Variants in DNAH11 observed in about 807,000 individuals in gnomAD.
The protein encoded by DNAH11 is axonemal beta dynein heavy chain 11.
In DNAH11, 442 loss-of-function variants were observed where a neutral mutation model predicts 526.0. The ratio of observed to expected loss-of-function variants is 0.84; its 90% CI spans 0.78 to 0.91. The LOEUF (loss-of-function observed/expected upper bound fraction) is 0.91, where lower values mean the gene tolerates loss of function less well. DNAH11 is among the 40% of genes least tolerant of loss of function. The probability of loss-of-function intolerance (pLI) is 0.00; values close to 1 mark genes in which losing one functional copy is unlikely to be tolerated. For synonymous variants in DNAH11, 2,461 were observed against 1,935.9 expected (o/e 1.27, Z -7.12); for missense variants, 6,989 against 5,448.7 (o/e 1.28, Z -8.90).
intron 8 of DNAH11, among the ~76,000 whole-genome samples, chr7:21,577,909 T>C (rs538629953): frequency 6.6e-6 from 1 of 152,280 alleles, no homozygotes; most frequent in African/African-American, 2.4e-5. Context: ...TTTAAAGTAG[T>C]GTATTAGTCC....
chr7:21,748,224 C>G (rs1786237847), intron 51 of DNAH11, among the ~76,000 whole-genome samples: 1 of 152,172 alleles, frequency 6.6e-6, no homozygotes, highest in Non-Finnish European at 1.5e-5. Flanking sequence ...TTGCTCATGC[C>G]TGTAATCCCA....
chr7:21,629,689 T>C (rs1786511347), intron 25 of DNAH11, among the ~76,000 whole-genome samples: 2 of 152,150 alleles, frequency 1.3e-5, no homozygotes, highest in Admixed American at 1.3e-4. Context: ...TCTTTACCTC[T>C]TTTTACAGTC....
rs774129338 is a variant in DNAH11 at position 21,738,855 on chromosome 7, T to C, written c.7800T>C (p.Asp2600=). ...ACACCCTGATCCGGCAGCATATTGATTATGGACATTGGTAAGCAAGTCTCT... is the reference window on the plus strand; with the variant it reads ...ACACCCTGATCCGGCAGCATATTGACTATGGACATTGGTAAGCAAGTCTCT... ...QPHTLIRQHI[D]YGHWYDRQKV... Residue 2600 remains aspartate, a synonymous_variant, in exon 47 of 82, where the codon GAT becomes GAC. Transcript: ENST00000409508. The C allele has an allele frequency of 4.7e-5, 75 of 1,597,350 alleles. No individual in the cohort carries two copies. In the East Asian group the frequency reaches 1.3e-3, roughly 29 times the overall value.
chr7:21,697,583 G>A (rs1190771934), intron 35 of DNAH11, among the ~76,000 whole-genome samples: 1 of 152,056 alleles, frequency 6.6e-6, no homozygotes, highest in African/African-American at 2.4e-5. Context: ...TCTGTCTATT[G>A]TGTCTGTATG....
In DNAH11 at chr7:21,635,879, G is replaced by T; in HGVS notation, c.4509G>T (p.Leu1503Phe). 1 of 1,608,938 alleles carries T rather than the reference G, an allele frequency of 6.2e-7. No homozygotes were observed. The highest frequency in any genetic ancestry group is 8.5e-7 in the Non-Finnish European group (1 of 1,177,382). Residue 1503 changes from leucine (L) to phenylalanine (F), a missense_variant, in exon 26 of 82, where the codon TTG (leucine) becomes TTT (phenylalanine). Physicochemically the swap from Leu to Phe is conservative, Grantham distance 22. Coordinates refer to ENST00000409508, the MANE Select transcript of DNAH11 (RefSeq NM_001277115.2). The stretch of plus-strand genomic sequence containing the variant: ...CTTTGCCTTTATTTTAGGTTCAGTT[G>T]CAGACTCTTCTTCAAAGCAAGTATG... ...FETLEHNQVQ[L>F]QTLLQSKYVE...
At chr7:21,715,825 T>C (rs1784639274) in intron 42 of DNAH11, among the ~76,000 whole-genome samples, 1 of 151,212 alleles carries the variant, frequency 6.6e-6, no homozygotes, top group Non-Finnish European at 1.5e-5. Flanking sequence ...TGTGGTGTGA[T>C]TGATCCCTAG....
chr7:21,731,533 G>C (rs1051997390), intron 45 of DNAH11, among the ~76,000 whole-genome samples: 4 of 152,122 alleles, frequency 2.6e-5, no homozygotes, highest in African/African-American at 9.7e-5. Flanking sequence ...ATTGAAAAAA[G>C]CAACGTACAG....
chr7:21,749,913 T>C (rs571969683), intron 53 of DNAH11, 112 bp downstream of exon 53: 234 of 1,514,524 alleles, frequency 1.5e-4, no homozygotes, highest in African/African-American at 1.3e-3. Context: ...CTGGGCAGTC[T>C]TTGGGGAGAA....
intron 29 of DNAH11, among the ~76,000 whole-genome samples, chr7:21,657,694 C>T (rs188039650): frequency 2.3e-4 from 35 of 152,274 alleles, no homozygotes; most frequent in Non-Finnish European, 8.8e-5. Context: ...TACCAGACCC[C>T]ATTGGTTAGA....
intron 18 of DNAH11, among the ~76,000 whole-genome samples, chr7:21,604,657 C>G (rs183746325): frequency 2.0e-5 from 3 of 152,304 alleles, no homozygotes; most frequent in Admixed American, 1.3e-4. Flanking sequence ...TGGAGATCAT[C>G]TGATCTTTTG....
chr7:21,821,419 G>A (rs1375385318), intron 65 of DNAH11, among the ~76,000 whole-genome samples: 1 of 152,146 alleles, frequency 6.6e-6, no homozygotes, highest in Non-Finnish European at 1.5e-5. Context: ...TGTACAGCCA[G>A]AAAAACAGAG....
intron 18 of DNAH11, among the ~76,000 whole-genome samples, chr7:21,604,450 C>A (rs1449509076): frequency 6.6e-6 from 1 of 152,152 alleles, no homozygotes; most frequent in Non-Finnish European, 1.5e-5. Context: ...TGCTCAGAAA[C>A]CTTCATTAAC....
At chr7:21,737,590 A>G (rs1279540378) in intron 46 of DNAH11, among the ~76,000 whole-genome samples, 1 of 152,194 alleles carries the variant, frequency 6.6e-6, no homozygotes, top group African/African-American at 2.4e-5. Flanking sequence ...GCTATATGTA[A>G]TGTGACCCTG....
At chr7:21,565,934 C>G (rs771250398) in intron 6 of DNAH11, among the ~76,000 whole-genome samples, 6 of 152,118 alleles carry the variant, frequency 3.9e-5, no homozygotes, top group Admixed American at 2.0e-4. Context: ...ATATCTGTTA[C>G]TCTGTTGGGC....
Position 21,750,496 on chromosome 7 carries a change from G to A in DNAH11, c.8940+132G>A, listed in dbSNP as rs17145237. ...TGAAAGGACGTGTGCATTTTTACAC[G>A]CCTGTATCTGGAGCGTACCTTCCTA... On this transcript the variant is annotated intron_variant, in intron 54 of 81. Transcript: ENST00000409508. 2.6e-3 allele frequency: 3,151 copies of A among 1,200,514 alleles called. 63 individuals are homozygous for A. In the African/African-American group the frequency reaches 0.042, roughly 16 times the overall value. 74.4% of individuals were successfully genotyped at this position (1,200,514 alleles called of 1,614,324 possible).
rs1784829252 is a variant in DNAH11 at position 21,901,333 on chromosome 7, CA to C, written c.*80del. ...CATGTTGCTGCACTGTTCCCATGCA[CA>C]TTATTCTAACTTTTTAGTAACTCAC... On this transcript the variant is annotated 3_prime_UTR_variant, in exon 82 of 82. Transcript: ENST00000409508. 2.1e-6 allele frequency: 3 copies of C among 1,415,366 alleles called. No individual in the cohort carries two copies. The highest frequency in any genetic ancestry group is 2.8e-6 in the Non-Finnish European group (3 of 1,074,018). The allele number at this position is 1,415,366 out of a possible 1,614,324, so 87.7% of individuals were successfully genotyped here.
In DNAH11 at chr7:21,725,933, C is replaced by A; in HGVS notation, c.7389C>A (p.Pro2463=). 1 of 1,566,136 alleles carries A rather than the reference C, an allele frequency of 6.4e-7. No homozygotes were observed. Among genetic ancestry groups the A allele is most frequent in the East Asian group, 2.3e-5 (1 of 42,640 alleles). ...YVDHKTKKLL[P]WADKIAQFTM... ...ACCACAAAACTAAGAAATTATTGCC[C>A]TGGGCTGACAAAATTGCCCAGTTTA... Residue 2463 remains proline (P), a synonymous_variant, in exon 45 of 82, where the codon CCC becomes CCA. Coordinates refer to ENST00000409508, the MANE Select transcript of DNAH11 (RefSeq NM_001277115.2).
rs1027180156 is a variant in DNAH11, at chr7:21,664,409, C to A, written c.5328+5378C>A. 1.4e-4 allele frequency among the ~76,000 whole-genome samples: 21 copies of A among 151,742 alleles called. No homozygotes were observed. In the East Asian group the frequency reaches 4.1e-3, roughly 29 times the overall value. On this transcript the variant is annotated intron_variant, in intron 30 of 81. Coordinates refer to ENST00000409508, the MANE Select transcript of DNAH11 (RefSeq NM_001277115.2). ...GTCTCTACAGTGTATCTCCCCTCGC[C>A]CCCGCCCCCGCAATTCTTTCAGGTT...
At chr7:21,544,898 T>TTGTTTATAG (rs1782748278) in intron 1 of DNAH11, 108 bp from the exon 2 acceptor site, 1 of 883,886 alleles carries the variant, frequency 1.1e-6, no homozygotes, top group Non-Finnish European at 1.7e-6. Context: ...GCAGGCAAGA[T>TTGTTTATAG]GCCAGGTTTT....
Sources: gnomAD v4.1 joint callset for allele counts (sites outside exome capture counted in the v4.1 genomes callset) on GRCh38, gnomAD v4.1.1 for gene constraint, MANE v1.5 for transcripts, NCBI Gene and HGNC (gene_info 2026-07-23, HGNC 2026-07-21) for gene names.